RANBP2: variants seen among roughly 807,000 people sequenced by gnomAD.
The protein encoded by RANBP2 is E3 SUMO-protein ligase RanBP2.
A neutral mutation model predicts 303.6 loss-of-function variants in RANBP2; 57 were observed. The ratio of observed to expected loss-of-function variants is 0.19; its 90% CI spans 0.15 to 0.23. The LOEUF is 0.23. Ranked by LOEUF, RANBP2 falls within the 10% of genes least tolerant of loss-of-function variation. The pLI is 1.00. For synonymous variants in RANBP2, 1,167 were observed against 1,301.5 expected (o/e 0.90, Z 2.23); for missense variants, 3,138 against 3,780.8 (o/e 0.83, Z 4.46).
the RANBP2 span, among the ~76,000 whole-genome samples, chr2:109,672,252 A>G: frequency 6.6e-6 from 1 of 152,266 alleles, no homozygotes; most frequent in African/African-American, 2.4e-5. Context: ...AGCATCAAAT[A>G]AAATATTGGT....
the RANBP2 span, among the ~76,000 whole-genome samples, chr2:109,131,989 TA>T: frequency 1.3e-5 from 2 of 152,340 alleles, no homozygotes; most frequent in South Asian, 4.1e-4. Flanking sequence ...GGAAGGATTG[TA>T]ATAGCATATC....
chr2:108,728,495 G>C lies in RANBP2; in HGVS notation c.73-637G>C, dbSNP rs181398313. Among the ~76,000 whole-genome samples, 125 of 152,048 alleles carry C rather than the reference G, an allele frequency of 8.2e-4. 1 individual carries two copies. Among genetic ancestry groups the C allele is most frequent in the Admixed American group, 3.3e-3 (50 of 15,260 alleles). On this transcript the variant is annotated intron_variant, in intron 1 of 28. Coordinates refer to ENST00000283195, the MANE Select transcript of RANBP2 (RefSeq NM_006267.5). ...CCTGGAGACAGGATCTTGTTGTGTT[G>C]CACAGGCTGGTTTCAAACTCTTGGC... is the stretch of plus-strand genomic sequence containing the variant.
chr2:109,336,054 G>A, the RANBP2 span, among the ~76,000 whole-genome samples: 1 of 152,144 alleles, frequency 6.6e-6, no homozygotes, highest in East Asian at 1.9e-4. Context: ...TAGCGTAGAA[G>A]GCATTCCTCT....
chr2:108,722,643 C>CTT (rs1694360731), intron 1 of RANBP2, among the ~76,000 whole-genome samples: 1 of 138,330 alleles, frequency 7.2e-6, no homozygotes, highest in African/African-American at 3.1e-5. Flanking sequence ...GTGCTTTTGC[C>CTT]CTTAAAAATA....
chr2:109,582,515 T>C, the RANBP2 span, among the ~76,000 whole-genome samples: 1 of 151,944 alleles, frequency 6.6e-6, no homozygotes, highest in Non-Finnish European at 1.5e-5. Flanking sequence ...AGAGACGAGG[T>C]CCCACCATGT....
intron 4 of RANBP2, chr2:108,731,853 T>C (rs1487301538): frequency 4.5e-6 from 1 of 223,470 alleles, no homozygotes; most frequent in Non-Finnish European, 8.9e-6. Flanking sequence ...CTAATAACTA[T>C]TGTCTGAAAG....
the RANBP2 span, among the ~76,000 whole-genome samples, chr2:108,800,462 A>G: frequency 6.6e-6 from 1 of 151,768 alleles, no homozygotes; most frequent in Non-Finnish European, 1.5e-5. Context: ...ACGGGGTTTC[A>G]CCATGTTGGT....
chr2:108,938,836 G>A, the RANBP2 span, among the ~76,000 whole-genome samples: 1 of 133,746 alleles, frequency 7.5e-6, no homozygotes, highest in Non-Finnish European at 1.5e-5. Flanking sequence ...CAGGCTGGCA[G>A]TGGCATGATC....
chr2:108,923,458 G>A, the RANBP2 span: 180 of 1,613,794 alleles, frequency 1.1e-4, 1 homozygote, highest in South Asian at 1.6e-3. Context: ...TAGTAGCTAC[G>A]GGGGAGAGAC....
chr2:109,023,723 T>A, the RANBP2 span, among the ~76,000 whole-genome samples: 6 of 152,076 alleles, frequency 3.9e-5, no homozygotes, highest in African/African-American at 1.4e-4. Flanking sequence ...GCAGGAGAAT[T>A]GCTTGAGCCC....
the RANBP2 span, chr2:109,436,856 G>A: frequency 1.9e-6 from 3 of 1,603,062 alleles, no homozygotes; most frequent in East Asian, 6.7e-5. Context: ...ATGCCTCTGA[G>A]CCTCTCATCA....
At chr2:108,802,158 C>T in the RANBP2 span, among the ~76,000 whole-genome samples, 1 of 143,284 alleles carries the variant, frequency 7.0e-6, no homozygotes, top group Non-Finnish European at 1.5e-5. Context: ...TTTTCCAATT[C>T]TGTGAAGAAA....
chr2:109,514,980 C>T, the RANBP2 span, among the ~76,000 whole-genome samples: 120 of 150,556 alleles, frequency 8.0e-4, 1 homozygote, highest in East Asian at 0.013. Flanking sequence ...ATGCCTGGGA[C>T]ATGGAGCCAA....
chr2:109,764,678 C>T, the RANBP2 span, among the ~76,000 whole-genome samples: 6 of 146,628 alleles, frequency 4.1e-5, no homozygotes, highest in Non-Finnish European at 8.9e-5. Flanking sequence ...AATTAAAAAA[C>T]AAAGGCTTCC....
At chr2:108,949,481 T>C in the RANBP2 span, among the ~76,000 whole-genome samples, 1 of 152,348 alleles carries the variant, frequency 6.6e-6, no homozygotes, top group South Asian at 2.1e-4. Flanking sequence ...TATTGCCTAC[T>C]GCGTCCCACA....
At chr2:108,794,565 A>C in the RANBP2 span, 1 of 1,612,734 alleles carries the variant, frequency 6.2e-7, no homozygotes, top group Non-Finnish European at 8.5e-7. Flanking sequence ...ATACGACCTC[A>C]TCGAGACCTC....
At chr2:109,260,091 A>G in the RANBP2 span, among the ~76,000 whole-genome samples, 27 of 152,100 alleles carry the variant, frequency 1.8e-4, no homozygotes, top group Non-Finnish European at 3.2e-4. Flanking sequence ...CCTTTTTGAG[A>G]GTAGAGAGGC....
chr2:109,314,546 C>T, the RANBP2 span, among the ~76,000 whole-genome samples: 1 of 152,216 alleles, frequency 6.6e-6, no homozygotes, highest in Non-Finnish European at 1.5e-5. Context: ...GCACCATCAA[C>T]TAATACATTT....
chr2:108,892,628 G>A, the RANBP2 span, among the ~76,000 whole-genome samples: 1 of 152,162 alleles, frequency 6.6e-6, no homozygotes, highest in Non-Finnish European at 1.5e-5. Flanking sequence ...CCATCCCATG[G>A]TCTCCCAGCA....
Sources: allele counts gnomAD v4.1 joint callset (sites outside exome capture counted in the v4.1 genomes callset), GRCh38; gene constraint gnomAD v4.1.1; transcripts MANE v1.5; gene names NCBI Gene and HGNC (gene_info 2026-07-23, HGNC 2026-07-21).